The following ANAPC5 variants were observed in gnomAD, a reference collection of about 807,000 sequenced individuals.
The protein encoded by ANAPC5 is anaphase-promoting complex subunit 5.
In ANAPC5, 60 loss-of-function variants were observed where a neutral mutation model predicts 91.3. That is an observed-to-expected ratio of 0.66 (90% CI 0.53 to 0.81). The LOEUF (loss-of-function observed/expected upper bound fraction) is 0.81, where lower values mean the gene tolerates loss of function less well. Ranked by LOEUF, ANAPC5 falls within the 40% of genes least tolerant of loss-of-function variation. ANAPC5 has a pLI of 0.00. For missense variants in ANAPC5, 690 were observed against 931.5 expected (o/e 0.74, Z 3.37); for synonymous variants, 340 against 364.1 (o/e 0.93, Z 0.75).
chr12:121,322,825 C>G (rs910387572), intron 11 of ANAPC5, among the ~76,000 whole-genome samples: 9 of 152,046 alleles, frequency 5.9e-5, no homozygotes, highest in Non-Finnish European at 1.3e-4. Flanking sequence ...AAGTTTGAGA[C>G]CAGCCTGGCC....
upstream of ANAPC5, among the ~76,000 whole-genome samples, chr12:121,353,539 C>T (rs1593614279): frequency 6.6e-6 from 1 of 151,992 alleles, no homozygotes; most frequent in Non-Finnish European, 1.5e-5. Flanking sequence ...CTCCCTGGTT[C>T]ACGCCATTCT....
At chr12:121,352,013 C>G in intron 1 of ANAPC5, 121 bp downstream of exon 1, 1 of 912,430 alleles carries the variant, frequency 1.1e-6, no homozygotes, top group Non-Finnish European at 1.6e-6. Flanking sequence ...TATTTCTTCA[C>G]GTTCCTCCAG....
At chr12:121,330,817 A>G (rs1162454804) in intron 8 of ANAPC5, 145 bp from the exon 9 acceptor site, 7 of 625,160 alleles carry the variant, frequency 1.1e-5, no homozygotes, top group South Asian at 5.8e-5. Context: ...AAGAATCTCA[A>G]TGAGACCTGT....
At chr12:121,315,181 T>C (rs1435390606) in intron 15 of ANAPC5, among the ~76,000 whole-genome samples, 1 of 152,080 alleles carries the variant, frequency 6.6e-6, no homozygotes, top group African/African-American at 2.4e-5. Context: ...TTTAAAAAAA[T>C]TTCATTTAAA....
intron 4 of ANAPC5, among the ~76,000 whole-genome samples, chr12:121,343,865 A>G (rs1444174180): frequency 1.3e-5 from 2 of 152,184 alleles, no homozygotes; most frequent in Non-Finnish European, 1.5e-5. Flanking sequence ...TGGACAGTGT[A>G]TCTGTTTACT....
chr12:121,309,613 A>G, intron 16 of ANAPC5, 88 bp downstream of exon 16: 3 of 1,465,298 alleles, frequency 2.0e-6, no homozygotes, highest in Non-Finnish European at 1.8e-6. Flanking sequence ...ATGCTGTCCC[A>G]AATTTAATGT....
chr12:121,337,939 A>C lies in ANAPC5; in HGVS notation c.658-547T>G, dbSNP rs138789548. Among the ~76,000 whole-genome samples the C allele has an allele frequency of 3.5e-4, 53 of 152,296 alleles. No homozygotes were observed. In the East Asian group the frequency reaches 8.7e-3, roughly 25 times the overall value. On this transcript the variant is annotated intron_variant, in intron 5 of 16. Coordinates refer to ENST00000261819, the MANE Select transcript of ANAPC5 (RefSeq NM_016237.5). ...GAGCCAGGTGGCTTGCCCCAGCTCTACTTATTTGTTTCATATGGACGATAT... is the reference window on the plus strand; with the variant it reads ...GAGCCAGGTGGCTTGCCCCAGCTCTCCTTATTTGTTTCATATGGACGATAT...
In ANAPC5 at chr12:121,327,116, CGA is replaced by C; in HGVS notation, c.1418_1419del (p.Leu473ArgfsTer15). Reference protein sequence around the residue: ...TESFAVALCHLAELHAEQGCF... With the variant: ...TESFAVALCHXAELHAEQGCF... ...CCTACCTGCTCCGCGTGTAGCTCTG[CGA>C]GGTGGCAGAGTGCGACAGCAAAGGA... On this transcript the variant is annotated frameshift_variant, in exon 11 of 17. Transcript: ENST00000261819. LOFTEE classifies it high-confidence loss of function. 2 of 1,608,576 alleles carry C rather than the reference CGA, an allele frequency of 1.2e-6. No homozygotes were observed. Among genetic ancestry groups the C allele is most frequent in the East Asian group, 2.2e-5 (1 of 44,678 alleles).
intron 6 of ANAPC5, 48 bp from the exon 7 acceptor site, chr12:121,335,771 G>A: frequency 2.0e-6 from 3 of 1,498,294 alleles, no homozygotes; most frequent in Non-Finnish European, 1.8e-6. Context: ...AAATATCTCT[G>A]GTGTAAGACA....
intron 12 of ANAPC5, 84 bp from the exon 13 acceptor site, chr12:121,319,902 G>T: frequency 7.6e-7 from 1 of 1,309,890 alleles, no homozygotes; most frequent in Non-Finnish European, 1.0e-6. Context: ...GGATTGCTTA[G>T]CAAATATCCT....
rs1555274601 is a variant in ANAPC5 at position 121,345,830 on chromosome 12, C to G, written c.590+9G>C. ...AGGAAAAGGATCCCTGTCAGAAAAGCCAAATTACCTTACAGATACATCAAG... is the reference window on the plus strand; with the variant it reads ...AGGAAAAGGATCCCTGTCAGAAAAGGCAAATTACCTTACAGATACATCAAG... On this transcript the variant is annotated intron_variant, in intron 4 of 16. Transcript: ENST00000261819. 3 of 1,608,990 alleles carry G rather than the reference C, an allele frequency of 1.9e-6. No homozygotes were observed. Among genetic ancestry groups the G allele is most frequent in the Non-Finnish European group, 2.5e-6 (3 of 1,178,402 alleles).
At chr12:121,316,508 C>T (rs903778487) in intron 15 of ANAPC5, among the ~76,000 whole-genome samples, 7 of 151,866 alleles carry the variant, frequency 4.6e-5, no homozygotes, top group African/African-American at 1.2e-4. Context: ...CCGAGGTGGG[C>T]GGATCACGAG....
chr12:121,336,815 G>A (rs1903254265), intron 6 of ANAPC5, among the ~76,000 whole-genome samples: 1 of 152,338 alleles, frequency 6.6e-6, no homozygotes, highest in African/African-American at 2.4e-5. Context: ...GCCCGAGGAG[G>A]GAGGGAGGAG....
chr12:121,316,478 A>G (rs1309142175), intron 15 of ANAPC5, among the ~76,000 whole-genome samples: 2 of 152,166 alleles, frequency 1.3e-5, no homozygotes, highest in African/African-American at 4.8e-5. Flanking sequence ...TCACGCCTGT[A>G]ATCCCAGCAC....
At chr12:121,340,537 ATTTT>A (rs200074790) in intron 5 of ANAPC5, among the ~76,000 whole-genome samples, 1 of 141,252 alleles carries the variant, frequency 7.1e-6, no homozygotes, top group Non-Finnish European at 1.6e-5. Context: ...AATTCCGTAA[ATTTT>A]TTTTTTTTTT....
chr12:121,335,762 A>C, intron 6 of ANAPC5, 39 bp from the exon 7 acceptor site: 2 of 1,540,890 alleles, frequency 1.3e-6, no homozygotes, highest in Non-Finnish European at 1.8e-6. Flanking sequence ...AAACGCTGTA[A>C]ATATCTCTGG....
upstream of ANAPC5, chr12:121,352,609 C>A: frequency 2.3e-6 from 1 of 436,868 alleles, no homozygotes; most frequent in Middle Eastern, 6.2e-4. Context: ...GAGCAGGTTC[C>A]CAGGCTACGT....
chr12:121,341,163 A>T (rs1593601022), intron 5 of ANAPC5, among the ~76,000 whole-genome samples: 1 of 150,698 alleles, frequency 6.6e-6, no homozygotes, highest in South Asian at 2.1e-4. Flanking sequence ...ACTCCGTCTC[A>T]AAAAAAAGAA....
At chr12:121,317,582 G>A (rs918062994) in intron 15 of ANAPC5, among the ~76,000 whole-genome samples, 14 of 151,688 alleles carry the variant, frequency 9.2e-5, no homozygotes, top group African/African-American at 3.4e-4. Flanking sequence ...AAAAAAAAAA[G>A]AATCACTGAG....
Sources: gnomAD v4.1 joint callset for allele counts (sites outside exome capture counted in the v4.1 genomes callset) on GRCh38, gnomAD v4.1.1 for gene constraint, MANE v1.5 for transcripts, NCBI Gene and HGNC (gene_info 2026-07-23, HGNC 2026-07-21) for gene names.